The following MEIG1 variants were observed in gnomAD, a reference collection of about 807,000 sequenced individuals.
MEIG1 encodes the protein meiosis/spermiogenesis associated 1, also known as meiosis expressed gene 1 protein homolog.
Under a neutral mutation model 11.3 loss-of-function variants are expected in MEIG1, and 12 were observed. The observed-to-expected ratio is 1.07, with a 90% CI of 0.68 to 1.73. The LOEUF (loss-of-function observed/expected upper bound fraction) is 1.73, where lower values mean the gene tolerates loss of function less well. Ranked by LOEUF, MEIG1 falls within the 40% of genes most tolerant of loss-of-function variation. The pLI, the probability that MEIG1 is intolerant of heterozygous loss-of-function variation, is 0.00. For missense variants in MEIG1, 119 were observed against 104.9 expected (o/e 1.13, Z -0.59); for synonymous variants, 41 against 33.2 (o/e 1.24, Z -0.81).
chr10:14,975,871 G>T (rs772767368), downstream of MEIG1, among the ~76,000 whole-genome samples: 16 of 152,276 alleles, frequency 1.1e-4, no homozygotes, highest in East Asian at 9.6e-4. Context: ...GCTGGGGGCA[G>T]AAACACTCCC....
chr10:14,965,702 G>T (rs1047847857), intron 1 of MEIG1, among the ~76,000 whole-genome samples: 6 of 28,542 alleles, frequency 2.1e-4, no homozygotes, highest in South Asian at 2.9e-3. Context: ...GAGAGAGAGA[G>T]AGAGAGAGAG....
At chr10:14,955,470 T>G (rs2131249299), upstream of MEIG1, among the ~76,000 whole-genome samples, 1 of 152,168 alleles carries the variant, frequency 6.6e-6, no homozygotes, top group East Asian at 1.9e-4. Context: ...TTTGGAGGGC[T>G]GAGGCAGGTG....
chr10:14,984,376 G>C (rs1391182241), intron 1 of MEIG1, among the ~76,000 whole-genome samples: 1 of 152,024 alleles, frequency 6.6e-6, no homozygotes, highest in East Asian at 1.9e-4. Flanking sequence ...AGTCACCGGG[G>C]TATACACCCT....
intron 2 of MEIG1, among the ~76,000 whole-genome samples, chr10:14,971,616 C>T (rs1377991932): frequency 6.6e-6 from 1 of 152,114 alleles, no homozygotes; most frequent in African/African-American, 2.4e-5. Context: ...TTGGATAGTT[C>T]TTGAGTTGCT....
upstream of MEIG1, among the ~76,000 whole-genome samples, chr10:14,957,710 T>C (rs995692143): frequency 6.6e-6 from 1 of 152,032 alleles, no homozygotes; most frequent in Non-Finnish European, 1.5e-5. Context: ...CTCGGCTCAC[T>C]GCCACCTCCA....
chr10:14,985,778 A>G (rs1409333880), intron 1 of MEIG1, among the ~76,000 whole-genome samples: 2 of 152,038 alleles, frequency 1.3e-5, no homozygotes, highest in East Asian at 3.8e-4. Flanking sequence ...CTTTGTTATT[A>G]TTTGTAATCC....
chr10:14,963,714 C>T (rs113477021), intron 1 of MEIG1, among the ~76,000 whole-genome samples: 3,043 of 152,270 alleles, frequency 0.02, 102 homozygotes, highest in African/African-American at 0.069. Context: ...CCTGTAATCA[C>T]AGCACTTTGG....
At chr10:14,965,505 C>A (rs1317107766) in intron 1 of MEIG1, among the ~76,000 whole-genome samples, 1 of 152,096 alleles carries the variant, frequency 6.6e-6, no homozygotes, top group Non-Finnish European at 1.5e-5. Flanking sequence ...TGTGTTAGGC[C>A]ATTTTCTCAC....
chr10:14,979,893 A>G (rs529703318), intron 1 of MEIG1, among the ~76,000 whole-genome samples: 4 of 152,138 alleles, frequency 2.6e-5, no homozygotes, highest in African/African-American at 4.8e-5. Context: ...TCGTAGAAGT[A>G]TATTATTTCT....
At chr10:14,969,573 G>A (rs528143363) in intron 2 of MEIG1, among the ~76,000 whole-genome samples, 53 of 152,170 alleles carry the variant, frequency 3.5e-4, no homozygotes, top group Non-Finnish European at 5.7e-4. Flanking sequence ...AGTGGCTCAC[G>A]CCTGTAATCC....
intron 1 of MEIG1, among the ~76,000 whole-genome samples, chr10:14,962,986 A>G (rs1843033017): frequency 6.7e-6 from 1 of 148,600 alleles, no homozygotes; most frequent in Admixed American, 6.7e-5. Context: ...CTGGTCTTGA[A>G]CTCCTGACCT....
At chr10:14,962,415 A>G (rs979038060) in intron 1 of MEIG1, among the ~76,000 whole-genome samples, 1 of 152,232 alleles carries the variant, frequency 6.6e-6, no homozygotes, top group African/African-American at 2.4e-5. Context: ...TTGGGAAAAT[A>G]AAATTTTGAA....
chr10:14,984,969 T>G (rs1208849546), intron 1 of MEIG1, among the ~76,000 whole-genome samples: 2 of 152,084 alleles, frequency 1.3e-5, no homozygotes, highest in African/African-American at 4.8e-5. Context: ...ATTCCTAATA[T>G]CCTAGCGGGA....
chr10:14,971,468 A>G (rs1011836526), intron 2 of MEIG1, among the ~76,000 whole-genome samples: 1 of 152,024 alleles, frequency 6.6e-6, no homozygotes, highest in Non-Finnish European at 1.5e-5. Context: ...CCCTGAGCCC[A>G]GGAGGTTGAG....
intron 2 of MEIG1, among the ~76,000 whole-genome samples, chr10:14,971,552 A>G (rs1843151317): frequency 6.6e-6 from 1 of 151,972 alleles, no homozygotes; most frequent in Non-Finnish European, 1.5e-5. Flanking sequence ...CAAAAAAAAA[A>G]ATGGATTTCA....
chr10:14,958,610 A>G (rs1842974681), upstream of MEIG1, among the ~76,000 whole-genome samples: 1 of 152,188 alleles, frequency 6.6e-6, no homozygotes, highest in Admixed American at 6.5e-5. Context: ...CAAAACATGT[A>G]AATTGGCCGG....
Position 14,972,736 on chromosome 10 carries a change from G to A in MEIG1, c.*95G>A, listed in dbSNP as rs139612251. ...GTCATTTGATGAAATAATTCAAGAT[G>A]CAGTCTGCAGTTTAATGTTTTGTGA... On this transcript the variant is annotated 3_prime_UTR_variant, in exon 3 of 3. Coordinates refer to ENST00000407572, the MANE Select transcript of MEIG1 (RefSeq NM_001080836.3). 2.4e-3 allele frequency: 2,783 copies of A among 1,174,178 alleles called. 19 individuals are homozygous for A. Among genetic ancestry groups the A allele is most frequent in the Middle Eastern group, 7.9e-3 (32 of 4,030 alleles). 72.7% of individuals were successfully genotyped at this position (1,174,178 alleles called of 1,614,324 possible).
downstream of MEIG1, among the ~76,000 whole-genome samples, chr10:14,976,256 C>A (rs1351096503): frequency 6.6e-6 from 1 of 152,166 alleles, no homozygotes; most frequent in African/African-American, 2.4e-5. Context: ...CCGGGGTATA[C>A]ACCCTGCTGC....
intron 1 of MEIG1, among the ~76,000 whole-genome samples, chr10:14,962,928 T>C (rs1843032449): frequency 6.6e-6 from 1 of 151,304 alleles, no homozygotes; most frequent in South Asian, 2.1e-4. Flanking sequence ...CATGCCTGGC[T>C]AATTTTTATA....
Sources: allele counts gnomAD v4.1 joint callset (sites outside exome capture counted in the v4.1 genomes callset), GRCh38; gene constraint gnomAD v4.1.1; transcripts MANE v1.5; gene names NCBI Gene and HGNC (gene_info 2026-07-23, HGNC 2026-07-21).